Variants in MACF1 observed in about 807,000 individuals in gnomAD.
The protein encoded by MACF1 is microtubule actin crosslinking factor 1.
MACF1 carries 193 observed loss-of-function variants against 854.8 expected under a neutral mutation model. The observed-to-expected ratio is 0.23, with a 90% CI of 0.20 to 0.25. MACF1 has a LOEUF of 0.25. Among genes scored for constraint, MACF1 ranks in the 10% least tolerant of loss-of-function variants. MACF1 has a pLI of 1.00. For synonymous variants in MACF1, 3,185 were observed against 3,226.7 expected, an observed-to-expected ratio of 0.99 and a Z score of 0.44; for missense variants, 7,722 against 8,929.1, an observed-to-expected ratio of 0.86 and a Z score of 5.45.
chr1:39,450,340 G>C (rs1186654605), intron 84 of MACF1, among the ~76,000 whole-genome samples: 4 of 151,612 alleles, frequency 2.6e-5, no homozygotes, highest in African/African-American at 9.7e-5. Flanking sequence ...GGTTCAAGGA[G>C]ATGAAGAAAC....
At chr1:39,179,772 TG>T (rs1204765075) in intron 2 of MACF1, among the ~76,000 whole-genome samples, 1 of 152,126 alleles carries the variant, frequency 6.6e-6, no homozygotes. Context: ...CCCAGCCCTT[TG>T]GGAGGCCGAG....
rs1557657026 is a variant in MACF1, at chr1:39,442,034, A to G, written c.18755A>G (p.Asp6252Gly). The G allele has an allele frequency of 6.2e-7, 1 of 1,612,930 alleles. No individual in the cohort carries two copies. Among genetic ancestry groups the G allele is most frequent in the Non-Finnish European group, 8.5e-7 (1 of 1,179,692 alleles). ...PVGTDLNTVK[D>G]QLNEMKEFKV... ...GGCACTGACCTCAATACTGTTAAAG[A>G]TCAGTTAAATGAAATGAAGGTTTGT... is the stretch of plus-strand genomic sequence containing the variant. The change falls in exon 75 of 101, where the codon GAT (aspartate) becomes GGT (glycine). Residue 6252 changes from aspartate to glycine, a missense_variant. Around this residue, in one of 15 missense-constraint regions of MACF1, gnomAD observed 2,807 missense variants for 3,235.8 expected, o/e 0.87. Transcript: ENST00000564288.
intron 36 of MACF1, among the ~76,000 whole-genome samples, chr1:39,330,948 C>T (rs55840803): frequency 9.2e-5 from 14 of 151,964 alleles, no homozygotes; most frequent in East Asian, 5.8e-4. Context: ...ATTACAGGTG[C>T]GCACCACACC....
At chr1:39,440,008 A>G (rs1644066876) in intron 72 of MACF1, among the ~76,000 whole-genome samples, 1 of 151,808 alleles carries the variant, frequency 6.6e-6, no homozygotes, top group Admixed American at 6.6e-5. Context: ...ATAAAAATCA[A>G]TTTTGGACTC....
At chr1:39,404,068 G>A (rs991368351) in intron 58 of MACF1, among the ~76,000 whole-genome samples, 2 of 151,962 alleles carry the variant, frequency 1.3e-5, no homozygotes, top group Non-Finnish European at 2.9e-5. Flanking sequence ...GGCAGAGGTT[G>A]CAATGAGCGA....
chr1:39,285,904 G>T, intron 14 of MACF1, 146 bp downstream of exon 14: 1 of 848,472 alleles, frequency 1.2e-6, no homozygotes, highest in East Asian at 2.6e-5. Context: ...GGTCTCTTGG[G>T]CAGGAATGTT....
At chr1:39,388,867 T>C (rs1035725802) in intron 58 of MACF1, among the ~76,000 whole-genome samples, 1 of 135,834 alleles carries the variant, frequency 7.4e-6, no homozygotes, top group Non-Finnish European at 1.5e-5. Flanking sequence ...TTTCTTCTTC[T>C]TCTTCTTTTT....
chr1:39,395,950 G>A lies in MACF1; in HGVS notation c.15816+7292G>A, dbSNP rs758259060. 2.6e-5 allele frequency among the ~76,000 whole-genome samples: 4 copies of A among 152,334 alleles called. No homozygotes were observed. In the East Asian group the frequency reaches 7.7e-4, roughly 29 times the overall value. Reference sequence around the variant, plus strand: ...AAAGGAGCCTCATGCCCCAGTGAAGGTAGTAAAATTGAATGGAAGGTAGTA... The same window carrying A: ...AAAGGAGCCTCATGCCCCAGTGAAGATAGTAAAATTGAATGGAAGGTAGTA... On this transcript the variant is annotated intron_variant, in intron 58 of 100. Transcript: ENST00000564288.
At chr1:39,253,129 A>AG (rs1354875548) in intron 4 of MACF1, among the ~76,000 whole-genome samples, 6 of 152,298 alleles carry the variant, frequency 3.9e-5, no homozygotes, top group Admixed American at 1.3e-4. Context: ...AAAATGTTCT[A>AG]GGGGTAGATA....
chr1:39,264,613 AAC>A (rs906094231), intron 6 of MACF1, among the ~76,000 whole-genome samples: 2 of 152,054 alleles, frequency 1.3e-5, no homozygotes, highest in African/African-American at 4.8e-5. Flanking sequence ...AGGAAACTGA[AAC>A]ACAGAGACCG....
rs764152008 is a variant in MACF1 at position 39,444,639 on chromosome 1, A to G, written c.19432-23A>G. The G allele has an allele frequency of 4.4e-6, 7 of 1,595,360 alleles. No homozygotes were observed. The Admixed American group carries it at 6.9e-5, about 16-fold the overall frequency. On this transcript the variant is annotated intron_variant, in intron 79 of 100. Transcript: ENST00000564288. ...CTTCCAGAGAATTCGTAGAATTGAT[A>G]TCTTTCCTGCCTTTTCTTGTAGGAA... is the stretch of plus-strand genomic sequence containing the variant.
chr1:39,233,808 T>TTTTTTTTTTTA lies in MACF1; in HGVS notation c.171+2565_171+2566insTTTTTTTTTTA, dbSNP rs755591226. Among the ~76,000 whole-genome samples the TTTTTTTTTTTA allele has an allele frequency of 3.1e-3, 207 of 65,792 alleles. 68 individuals are homozygous for TTTTTTTTTTTA. Among genetic ancestry groups the TTTTTTTTTTTA allele is most frequent in the East Asian group, 5.3e-3 (11 of 2,058 alleles). The allele number at this position is 65,792 out of a possible 152,430, so 43.2% of individuals were successfully genotyped here. On this transcript the variant is annotated intron_variant, in intron 2 of 100. Transcript: ENST00000564288. ...TTTTTTTTTTTTTTTATTTATTTTT[T>TTTTTTTTTTTA]ATTGATAATTCTTGGGTGTTTCTCA...
intron 35 of MACF1, among the ~76,000 whole-genome samples, chr1:39,325,175 A>G (rs1646586327): frequency 6.6e-6 from 1 of 152,264 alleles, no homozygotes; most frequent in South Asian, 2.1e-4. Context: ...CCATGTGGGT[A>G]GATTACTCAA....
At chr1:39,338,794 T>C (rs569013036) in intron 38 of MACF1, among the ~76,000 whole-genome samples, 1 of 152,324 alleles carries the variant, frequency 6.6e-6, no homozygotes, top group African/African-American at 2.4e-5. Flanking sequence ...CTAATGGTAC[T>C]GATATAAGTG....
intron 70 of MACF1, among the ~76,000 whole-genome samples, chr1:39,436,717 C>T (rs1162186220): frequency 1.3e-5 from 2 of 152,108 alleles, no homozygotes; most frequent in Non-Finnish European, 2.9e-5. Flanking sequence ...AATTGATAAG[C>T]CTTTCTTTAA....
chr1:39,284,111 C>G lies in MACF1; in HGVS notation c.961C>G (p.Leu321Val). Reference protein sequence around the residue: ...WQEYQSRVDSLIPWIKQHTIL... With the variant: ...WQEYQSRVDSVIPWIKQHTIL... ...AGAATACCAAAGCCGAGTGGACTCCCTCATTCCCTGGATCAAACAGCATAC... is the reference window on the plus strand; with the variant it reads ...AGAATACCAAAGCCGAGTGGACTCCGTCATTCCCTGGATCAAACAGCATAC... Residue 321 changes from leucine to valine, a missense_variant, in exon 10 of 101, where the codon CTC becomes GTC. Transcript: ENST00000564288. 1 of 1,613,998 alleles carries G rather than the reference C, an allele frequency of 6.2e-7. No individual in the cohort carries two copies.
chr1:39,116,407 CGTGTGTGTGTGTAT>C (rs1366938405), intron 2 of MACF1, among the ~76,000 whole-genome samples: 1 of 140,406 alleles, frequency 7.1e-6, no homozygotes, highest in Non-Finnish European at 1.6e-5. Context: ...TGTGTGTGCA[CGTGTGTGTGTGTAT>C]GTGTGTGTGT....
intron 55 of MACF1, among the ~76,000 whole-genome samples, chr1:39,380,817 C>T (rs1184716): frequency 0.4 from 61,147 of 151,836 alleles, 14,396 homozygotes; most frequent in African/African-American, 0.66. Context: ...GAGGCTGAGG[C>T]GAGACGATTG....
chr1:39,352,596 C>T (rs1395171201), intron 43 of MACF1, among the ~76,000 whole-genome samples: 1 of 152,152 alleles, frequency 6.6e-6, no homozygotes, highest in Non-Finnish European at 1.5e-5. Flanking sequence ...TGGCTTACTG[C>T]AACCTCCACC....
Sources: allele counts gnomAD v4.1 joint callset (sites outside exome capture counted in the v4.1 genomes callset), GRCh38; gene constraint gnomAD v4.1.1; regional missense constraint gnomAD v4.1.1; transcripts MANE v1.5; gene names NCBI Gene and HGNC (gene_info 2026-07-23, HGNC 2026-07-21).